CEP112: variants seen among roughly 807,000 people sequenced by gnomAD.
The protein encoded by CEP112 is centrosomal protein of 112 kDa.
Under a neutral mutation model 153.0 loss-of-function variants are expected in CEP112, and 127 were observed. The observed-to-expected ratio is 0.83, with a 90% CI of 0.72 to 0.96. The LOEUF is 0.96. Among genes scored for constraint, CEP112 ranks in the 40% least tolerant of loss-of-function variants. The pLI, the probability that CEP112 is intolerant of heterozygous loss-of-function variation, is 0.00. For synonymous variants in CEP112, 358 were observed against 374.4 expected (o/e 0.96, Z 0.51); for missense variants, 1,089 against 1,101.2 (o/e 0.99, Z 0.16).
chr17:65,784,504 G>A (rs540564349), intron 21 of CEP112, among the ~76,000 whole-genome samples: 9 of 152,034 alleles, frequency 5.9e-5, no homozygotes, highest in Admixed American at 2.0e-4. Context: ...TGTTTGAGAC[G>A]GAACCTCACT....
At chr17:65,686,334 A>G (rs960862791) in intron 24 of CEP112, among the ~76,000 whole-genome samples, 8 of 152,324 alleles carry the variant, frequency 5.3e-5, no homozygotes, top group African/African-American at 1.9e-4. Flanking sequence ...TGATGATCAA[A>G]AAGAAGTCAA....
chr17:65,971,157 TACATTACATGTACAGC>T (rs1178384636), intron 17 of CEP112, among the ~76,000 whole-genome samples: 1 of 150,540 alleles, frequency 6.6e-6, no homozygotes, highest in East Asian at 1.9e-4. Context: ...ATGATACATG[TACATTACATGTACAGC>T]ACATGTACAG....
At chr17:65,656,743 G>A (rs1186452393) in intron 24 of CEP112, among the ~76,000 whole-genome samples, 1 of 152,182 alleles carries the variant, frequency 6.6e-6, no homozygotes, top group African/African-American at 2.4e-5. Flanking sequence ...TAGGGACTGT[G>A]TTCATTTTGC....
At chr17:65,672,761 A>C (rs1182376973) in intron 24 of CEP112, among the ~76,000 whole-genome samples, 3 of 152,184 alleles carry the variant, frequency 2.0e-5, no homozygotes, top group Admixed American at 2.0e-4. Flanking sequence ...TCATATTGGC[A>C]CAGGAAATCG....
intron 17 of CEP112, among the ~76,000 whole-genome samples, chr17:65,971,457 A>C (rs1281407496): frequency 7.0e-6 from 1 of 143,568 alleles, no homozygotes; most frequent in African/African-American, 2.5e-5. Flanking sequence ...ATGCATGCAT[A>C]TCACACACAT....
chr17:66,091,428 A>G (rs532339930), intron 8 of CEP112, among the ~76,000 whole-genome samples: 10 of 152,240 alleles, frequency 6.6e-5, no homozygotes, highest in Non-Finnish European at 1.2e-4. Flanking sequence ...TAAATAACAC[A>G]CTCTTGAACA....
chr17:65,770,157 C>T (rs568392705), intron 21 of CEP112, among the ~76,000 whole-genome samples: 12 of 148,792 alleles, frequency 8.1e-5, no homozygotes, highest in African/African-American at 2.9e-4. Context: ...AACAAACAAA[C>T]AAACAAAAGA....
chr17:65,900,530 CCCTCTAAATTTGG>C (rs2059808381), intron 20 of CEP112, among the ~76,000 whole-genome samples: 3 of 152,092 alleles, frequency 2.0e-5, no homozygotes, highest in Admixed American at 2.0e-4. Context: ...CACAAAGGTT[CCCTCTAAATTTGG>C]CCTCCACTTG....
chr17:66,159,190 A>G (rs2071583952), intron 4 of CEP112, among the ~76,000 whole-genome samples: 1 of 152,218 alleles, frequency 6.6e-6, no homozygotes, highest in African/African-American at 2.4e-5. Context: ...ACAAGTTCTG[A>G]AATTGAGGCA....
intron 6 of CEP112, among the ~76,000 whole-genome samples, chr17:66,119,664 A>C (rs548810769): frequency 3.9e-5 from 6 of 152,344 alleles, no homozygotes; most frequent in African/African-American, 1.4e-4. Context: ...GTTTTGAACA[A>C]TTACCAGAAA....
intron 11 of CEP112, among the ~76,000 whole-genome samples, chr17:66,061,099 C>T (rs1305219752): frequency 6.6e-6 from 1 of 151,890 alleles, no homozygotes; most frequent in Non-Finnish European, 1.5e-5. Context: ...AAAAAATAAC[C>T]TAATGACTTA....
At chr17:66,026,968 C>T (rs1700017589) in intron 16 of CEP112, among the ~76,000 whole-genome samples, 1 of 152,114 alleles carries the variant, frequency 6.6e-6, no homozygotes, top group African/African-American at 2.4e-5. Flanking sequence ...ATATAACACA[C>T]AAGCAGTGTT....
At chr17:65,918,179 C>CAAA (rs55755336) in intron 19 of CEP112, among the ~76,000 whole-genome samples, 23,787 of 116,592 alleles carry the variant, frequency 0.2, 2,303 homozygotes, top group Admixed American at 0.3. Context: ...GACTCTGTCT[C>CAAA]AAAAAAAAAA....
chr17:65,877,612 A>T (rs2058882194), intron 20 of CEP112, among the ~76,000 whole-genome samples: 1 of 152,182 alleles, frequency 6.6e-6, no homozygotes, highest in Non-Finnish European at 1.5e-5. Flanking sequence ...AGACAATACC[A>T]TGCAAACTGA....
chr17:65,729,971 T>G (rs1195153332), intron 23 of CEP112, among the ~76,000 whole-genome samples: 1 of 152,200 alleles, frequency 6.6e-6, no homozygotes, highest in African/African-American at 2.4e-5. Context: ...TAACCATATA[T>G]AGTCACCTAG....
intron 8 of CEP112, among the ~76,000 whole-genome samples, chr17:66,077,515 A>T (rs2067548036): frequency 6.6e-6 from 1 of 152,214 alleles, no homozygotes; most frequent in Admixed American, 6.5e-5. Context: ...AAGACAAAGA[A>T]AAAAGAATAA....
In CEP112 at chr17:66,069,909, T is replaced by A; in HGVS notation, c.855+6A>T. ...ATATAATTAAAACACGAGATATATATCCTACCTTCTGAACATCAGCATCAT... is the reference window on the plus strand; with the variant it reads ...ATATAATTAAAACACGAGATATATAACCTACCTTCTGAACATCAGCATCAT... On this transcript the variant is annotated splice_donor_region_variant and intron_variant, in intron 9 of 26. Coordinates refer to ENST00000535342, the MANE Select transcript of CEP112 (RefSeq NM_001199165.4). The A allele has an allele frequency of 2.0e-6, 3 of 1,533,082 alleles. No homozygotes were observed. The South Asian group carries it at 3.4e-5, about 18-fold the overall frequency. The allele number at this position is 1,533,082 out of a possible 1,614,324, so 95.0% of individuals were successfully genotyped here. A position where few individuals can be genotyped will look rare whatever the true frequency, so the allele number is the denominator to read the frequency against.
chr17:65,827,434 G>A (rs1160879810), intron 21 of CEP112, among the ~76,000 whole-genome samples: 1 of 152,072 alleles, frequency 6.6e-6, no homozygotes, highest in African/African-American at 2.4e-5. Flanking sequence ...CTTACTTAAA[G>A]TATATTTTAA....
intron 21 of CEP112, among the ~76,000 whole-genome samples, chr17:65,786,366 T>C (rs1568011545): frequency 3.9e-5 from 6 of 152,028 alleles, no homozygotes; most frequent in Admixed American, 2.6e-4. Context: ...CATTGGAGGA[T>C]AGAATTTTAC....
Sources: gnomAD v4.1 joint callset for allele counts (sites outside exome capture counted in the v4.1 genomes callset) on GRCh38, gnomAD v4.1.1 for gene constraint, MANE v1.5 for transcripts, NCBI Gene and HGNC (gene_info 2026-07-23, HGNC 2026-07-21) for gene names.